Variants in KCNIP3 observed in about 807,000 individuals in gnomAD.
KCNIP3 encodes the protein potassium voltage-gated channel interacting protein 3, also known as calsenilin.
In KCNIP3, 28 loss-of-function variants were observed where a neutral mutation model predicts 35.0. That is an observed-to-expected ratio of 0.80 (90% confidence interval 0.59 to 1.10). The LOEUF (loss-of-function observed/expected upper bound fraction) is 1.10, where lower values mean the gene tolerates loss of function less well. Among genes scored for constraint, KCNIP3 ranks in the 50% least tolerant of loss-of-function variants. The probability of loss-of-function intolerance (pLI) is 0.00; values close to 1 mark genes in which losing one functional copy is unlikely to be tolerated. For missense variants in KCNIP3, 295 were observed against 338.4 expected (o/e 0.87, Z 1.01); for synonymous variants, 134 against 133.8 (o/e 1.00, Z -0.01).
At chr2:95,338,722 G>C (rs1196338289) in intron 2 of KCNIP3, among the ~76,000 whole-genome samples, 1 of 152,202 alleles carries the variant, frequency 6.6e-6, no homozygotes. Context: ...AAGAAGGAGA[G>C]AGGTGACGTG....
At position 95,382,550 on chromosome 2, in the gene KCNIP3, AC is replaced by A; in HGVS notation, c.660+73del. 1.7e-6 allele frequency: 2 copies of A among 1,186,716 alleles called. No individual in the cohort carries two copies. The highest frequency in any genetic ancestry group is 1.5e-5 in the South Asian group (1 of 68,000). 73.5% of individuals were successfully genotyped at this position (1,186,716 alleles called of 1,614,324 possible). A position where few individuals can be genotyped will look rare whatever the true frequency, so the allele number is the denominator to read the frequency against. On this transcript the variant is annotated intron_variant, in intron 7 of 8. Coordinates refer to ENST00000295225, the MANE Select transcript of KCNIP3 (RefSeq NM_013434.5). This position sits in a 1 kb window ranked among gnomAD's most constrained non-coding sequence, Gnocchi z 4.5. ...GGAAGGGGCTCTCGCTTTTGGGGCC[AC>A]CCCGGGCAAGTGGCTTGCCCCTCTG...
intron 2 of KCNIP3, among the ~76,000 whole-genome samples, chr2:95,315,039 C>T (rs1025184350): frequency 7.9e-5 from 12 of 152,126 alleles, no homozygotes; most frequent in Non-Finnish European, 1.8e-4. Context: ...GGGACGGGAG[C>T]CTGTGAGCCC....
At chr2:95,317,818 A>G (rs1678496369) in intron 2 of KCNIP3, among the ~76,000 whole-genome samples, 1 of 152,144 alleles carries the variant, frequency 6.6e-6, no homozygotes, top group Non-Finnish European at 1.5e-5. Context: ...TGAGGGCAGG[A>G]GTCGGGCGGA....
chr2:95,317,343 C>T (rs756479745), intron 2 of KCNIP3, among the ~76,000 whole-genome samples: 8 of 152,224 alleles, frequency 5.3e-5, no homozygotes, highest in Non-Finnish European at 7.3e-5. Flanking sequence ...CCCATCCCCA[C>T]GCCTCCCAGC....
At chr2:95,360,057 A>G (rs1351117510) in intron 2 of KCNIP3, among the ~76,000 whole-genome samples, 1 of 152,160 alleles carries the variant, frequency 6.6e-6, no homozygotes, top group African/African-American at 2.4e-5. Context: ...TCATTTTACT[A>G]TATGATATTA....
At chr2:95,300,095 C>T (rs542574120) in intron 1 of KCNIP3, among the ~76,000 whole-genome samples, 14 of 152,182 alleles carry the variant, frequency 9.2e-5, no homozygotes, top group South Asian at 2.1e-4. Context: ...CGGAAGAAGA[C>T]GCAGGAGGAG....
chr2:95,376,420 G>A lies in KCNIP3; in HGVS notation c.447+1212G>A, dbSNP rs192389239. 2.5e-4 allele frequency among the ~76,000 whole-genome samples: 38 copies of A among 152,270 alleles called. No individual in the cohort carries two copies. Among genetic ancestry groups the A allele is most frequent in the African/African-American group, 7.9e-4 (33 of 41,572 alleles). The stretch of plus-strand genomic sequence containing the variant: ...GGCAGTGCTCAGGAAGGTCACAGTC[G>A]CCCCTCACCTCCTGTGGCCATCACC... On this transcript the variant is annotated intron_variant, in intron 5 of 8. Transcript: ENST00000295225. The surrounding 1 kb of genome is among the most constrained non-coding windows in gnomAD (Gnocchi z 4.2).
rs762550576 is a variant in KCNIP3, at chr2:95,318,327, C to T, written c.181+7807C>T. Among the ~76,000 whole-genome samples, 18 of 152,216 alleles carry T rather than the reference C, an allele frequency of 1.2e-4. No homozygotes were observed. In the South Asian group the frequency reaches 1.2e-3, roughly 10 times the overall value. On this transcript the variant is annotated intron_variant, in intron 2 of 8. Transcript: ENST00000295225. The stretch of plus-strand genomic sequence containing the variant: ...CTGACTCGACCGCCCAGGCCCTCCC[C>T]GTCTCCTTCCCTCACTGGAAACCCT...
chr2:95,305,344 G>A (rs1243114746), intron 1 of KCNIP3, among the ~76,000 whole-genome samples: 12 of 152,252 alleles, frequency 7.9e-5, no homozygotes, highest in Middle Eastern at 3.4e-3. Context: ...TATTGAGCTC[G>A]TTGTAGATTC....
chr2:95,352,827 A>G (rs1423443569), intron 2 of KCNIP3, among the ~76,000 whole-genome samples: 3 of 152,040 alleles, frequency 2.0e-5, no homozygotes, highest in Admixed American at 6.5e-5. Context: ...GGTCATCACA[A>G]CTGGTGACCA....
intron 2 of KCNIP3, among the ~76,000 whole-genome samples, chr2:95,358,219 A>G (rs534953269): frequency 3.3e-5 from 5 of 152,318 alleles, no homozygotes; most frequent in African/African-American, 1.2e-4. Context: ...GTACTGGTGC[A>G]GCTCAGAGAG....
At chr2:95,372,206 A>ACCAT (rs139014615) in intron 2 of KCNIP3, among the ~76,000 whole-genome samples, 41 of 152,056 alleles carry the variant, frequency 2.7e-4, no homozygotes, top group African/African-American at 4.3e-4. Flanking sequence ...AAGGATTCTT[A>ACCAT]CCATCCATCC....
chr2:95,318,312 C>T (rs535393439), intron 2 of KCNIP3, among the ~76,000 whole-genome samples: 39 of 152,288 alleles, frequency 2.6e-4, no homozygotes, highest in African/African-American at 3.4e-4. Context: ...CTGACTCGAC[C>T]GCCCAGGCCC....
intron 2 of KCNIP3, among the ~76,000 whole-genome samples, chr2:95,315,959 A>G (rs1214729120): frequency 1.3e-5 from 2 of 152,038 alleles, no homozygotes; most frequent in Non-Finnish European, 2.9e-5. Flanking sequence ...AGAGGTTGAT[A>G]CTCGATTGCT....
intron 2 of KCNIP3, chr2:95,346,826 T>A (rs1352214861): frequency 1.4e-5 from 3 of 210,536 alleles, no homozygotes. Flanking sequence ...GCCTCCGGCC[T>A]GACCCGCTCG....
At chr2:95,303,534 A>G (rs1678090207) in intron 1 of KCNIP3, 1 of 152,124 alleles carries the variant, frequency 6.6e-6, no homozygotes, top group Non-Finnish European at 1.5e-5. Flanking sequence ...GGTCCTGAGT[A>G]CCTGTCTCCA....
intron 2 of KCNIP3, among the ~76,000 whole-genome samples, chr2:95,314,213 G>A (rs1451321400): frequency 6.6e-6 from 1 of 152,080 alleles, no homozygotes; most frequent in African/African-American, 2.4e-5. Context: ...TCTCTAATAC[G>A]TAAAGATCTA....
chr2:95,346,793 G>GCCGCGTCCGGTCC (rs1375880661), intron 2 of KCNIP3: 18 of 175,974 alleles, frequency 1.0e-4, no homozygotes, highest in African/African-American at 3.8e-4. Flanking sequence ...GGGCTCGGCC[G>GCCGCGTCCGGTCC]CCGCGTCCGG....
chr2:95,335,521 T>C (rs1297483582), intron 2 of KCNIP3, among the ~76,000 whole-genome samples: 1 of 152,224 alleles, frequency 6.6e-6, no homozygotes, highest in Non-Finnish European at 1.5e-5. Flanking sequence ...TAAGGTTTTC[T>C]CTTTACCTCT....
Sources: gnomAD v4.1 joint callset for allele counts (sites outside exome capture counted in the v4.1 genomes callset) on GRCh38, gnomAD v4.1.1 for gene constraint, Gnocchi (gnomAD v3.1) non-coding constraint, MANE v1.5 for transcripts, NCBI Gene and HGNC (gene_info 2026-07-23, HGNC 2026-07-21) for gene names.